The following ABCA12 variants were observed in gnomAD, a reference collection of about 807,000 sequenced individuals.
The protein encoded by ABCA12 is ATP binding cassette subfamily A member 12, also known as glucosylceramide transporter ABCA12.
In ABCA12, 156 loss-of-function variants were observed where a neutral mutation model predicts 293.5. The ratio of observed to expected loss-of-function variants is 0.53; its 90% CI spans 0.47 to 0.61. ABCA12 has a LOEUF of 0.61. Ranked by LOEUF, ABCA12 falls within the 20% of genes least tolerant of loss-of-function variation. The pLI is 0.00. For missense variants in ABCA12, 2,797 were observed against 3,090.2 expected (o/e 0.91, Z 2.25); for synonymous variants, 1,063 against 1,108.0 (o/e 0.96, Z 0.81).
intron 43 of ABCA12, among the ~76,000 whole-genome samples, 161 bp from the exon 44 acceptor site, chr2:214,954,268 A>G (rs1019154864): frequency 1.3e-5 from 2 of 152,178 alleles, no homozygotes; most frequent in African/African-American, 4.8e-5. Flanking sequence ...AATATTTAGT[A>G]TACTAAATGG....
intron 45 of ABCA12, among the ~76,000 whole-genome samples, chr2:214,949,375 TATACACACACACACAC>T (rs1011383966): frequency 1.3e-5 from 2 of 148,298 alleles, no homozygotes; most frequent in African/African-American, 5.1e-5. Flanking sequence ...TATATATATA[TATACACACACACACAC>T]ACACACACAC....
Position 215,045,946 on chromosome 2 carries a change from G to T in ABCA12, c.763C>A (p.Gln255Lys). The change falls in exon 7 of 53, where the codon CAA becomes AAA. Residue 255 changes from glutamine to lysine, a missense_variant. By Grantham distance (53) the Gln-to-Lys change is moderately conservative. Transcript: ENST00000272895. ...EIVRMLSFFS[Q>K]VQEQKAVWQL... ...CACACAGCTTTCTGCTCTTGCACTT[G>T]TGAGAAGAAAGACAGCATTCTGACT... The T allele has an allele frequency of 1.2e-6, 2 of 1,613,680 alleles. No homozygotes were observed. The highest frequency in any genetic ancestry group is 1.7e-6 in the Non-Finnish European group (2 of 1,179,794).
intron 1 of ABCA12, among the ~76,000 whole-genome samples, chr2:215,124,411 A>G (rs1702878055): frequency 6.6e-6 from 1 of 152,152 alleles, no homozygotes; most frequent in Non-Finnish European, 1.5e-5. Flanking sequence ...TGGCTGTACT[A>G]GTTTACATTC....
rs142811052 is a variant in ABCA12 at position 215,074,157 on chromosome 2, AT to A, written c.164-9939del. Among the ~76,000 whole-genome samples, 793 of 152,300 alleles carry A rather than the reference AT, an allele frequency of 5.2e-3. 8 individuals carry two copies. The highest frequency in any genetic ancestry group is 0.018 in the African/African-American group (755 of 41,578). On this transcript the variant is annotated intron_variant, in intron 2 of 52. Transcript: ENST00000272895. ...GCACACTTTGGAAAACAGAGCCTTA[AT>A]CCATGATCTCACATATTCCCAGCTG...
chr2:214,990,321 T>C (rs1043199658), intron 24 of ABCA12, among the ~76,000 whole-genome samples: 3 of 152,200 alleles, frequency 2.0e-5, no homozygotes, highest in African/African-American at 7.2e-5. Flanking sequence ...TAAGCTATAT[T>C]ATATGTCATG....
intron 11 of ABCA12, among the ~76,000 whole-genome samples, chr2:215,021,567 A>G (rs1700632685): frequency 6.6e-6 from 1 of 152,164 alleles, no homozygotes. Context: ...GCTACCCTAG[A>G]GCTGTTTCTT....
chr2:214,987,587 T>G, intron 27 of ABCA12, 60 bp downstream of exon 27: 4 of 1,566,532 alleles, frequency 2.6e-6, no homozygotes, highest in Non-Finnish European at 3.5e-6. Context: ...AAACTACTAG[T>G]CATGTAATTT....
At chr2:215,093,723 T>C (rs142174671) in intron 2 of ABCA12, among the ~76,000 whole-genome samples, 4,661 of 152,302 alleles carry the variant, frequency 0.031, 151 homozygotes, top group African/African-American at 0.079. Context: ...TCACACCTGA[T>C]GCATATACTT....
rs541244984 is a variant in ABCA12 at position 215,119,819 on chromosome 2, T to C, written c.70-8129A>G. On this transcript the variant is annotated intron_variant, in intron 1 of 52. Transcript: ENST00000272895. ...GAGAATAGGGAACACTTATCTACTG[T>C]TGATGGGAGTATAAGTTAGTTCAAC... Among the ~76,000 whole-genome samples, 9 of 151,608 alleles carry C rather than the reference T, an allele frequency of 5.9e-5. No homozygotes were observed. The South Asian group carries it at 1.7e-3, about 28-fold the overall frequency.
chr2:215,001,078 TG>T, intron 21 of ABCA12, 58 bp from the exon 22 acceptor site: 3 of 1,556,536 alleles, frequency 1.9e-6, no homozygotes, highest in Non-Finnish European at 2.6e-6. Context: ...CGTTATTCAT[TG>T]TTTGGAGAGT....
At chr2:215,029,067 G>A (rs1035788437) in intron 9 of ABCA12, 1 of 152,132 alleles carries the variant, frequency 6.6e-6, no homozygotes, top group African/African-American at 2.4e-5. Context: ...GAGGAGGGTA[G>A]AATAATCCAT....
At chr2:215,073,608 A>G (rs1175857057) in intron 2 of ABCA12, among the ~76,000 whole-genome samples, 1 of 152,010 alleles carries the variant, frequency 6.6e-6, no homozygotes, top group East Asian at 1.9e-4. Context: ...CAGATCCAGC[A>G]ACACCACTTA....
intron 31 of ABCA12, 100 bp downstream of exon 31, chr2:214,980,383 T>C: frequency 6.7e-7 from 1 of 1,493,208 alleles, no homozygotes; most frequent in Non-Finnish European, 9.2e-7. Context: ...AGTATACTAA[T>C]GAATTTTAGC....
chr2:215,058,835 T>C (rs1701473144), intron 3 of ABCA12, among the ~76,000 whole-genome samples: 1 of 152,066 alleles, frequency 6.6e-6, no homozygotes, highest in Non-Finnish European at 1.5e-5. Flanking sequence ...ATTCCATCAT[T>C]CTGAGGAAAA....
At chr2:215,090,316 G>A (rs1702117388) in intron 2 of ABCA12, among the ~76,000 whole-genome samples, 1 of 152,148 alleles carries the variant, frequency 6.6e-6, no homozygotes, top group Non-Finnish European at 1.5e-5. Flanking sequence ...ATTTGGTGCT[G>A]AAGACCCGGG....
At chr2:215,052,685 C>G in intron 4 of ABCA12, 101 bp from the exon 5 acceptor site, 1 of 998,512 alleles carries the variant, frequency 1.0e-6, no homozygotes, top group Non-Finnish European at 1.6e-6. Flanking sequence ...CTCATATACC[C>G]TACAGCAAGG....
chr2:215,091,228 C>T (rs1477775591), intron 2 of ABCA12, among the ~76,000 whole-genome samples: 1 of 152,118 alleles, frequency 6.6e-6, no homozygotes, highest in African/African-American at 2.4e-5. Context: ...CACTCCTCCC[C>T]AGGCTGCTTC....
chr2:214,973,812 C>G, intron 36 of ABCA12, 137 bp downstream of exon 36: 1 of 768,610 alleles, frequency 1.3e-6, no homozygotes, highest in Non-Finnish European at 2.3e-6. Context: ...TTGAGCTGCC[C>G]AGATCCATAT....
chr2:215,022,570 G>A (rs1490928717), intron 11 of ABCA12: 1 of 152,192 alleles, frequency 6.6e-6, no homozygotes, highest in Non-Finnish European at 1.5e-5. Flanking sequence ...ACTTCAGATT[G>A]CAGATTTGCC....
Sources: gnomAD v4.1 joint callset for allele counts (sites outside exome capture counted in the v4.1 genomes callset) on GRCh38, gnomAD v4.1.1 for gene constraint, MANE v1.5 for transcripts, NCBI Gene and HGNC (gene_info 2026-07-23, HGNC 2026-07-21) for gene names.